The following IGSF21 variants were observed in gnomAD, a reference collection of about 807,000 sequenced individuals.
IGSF21 encodes immunoglobulin superfamily member 21.
In IGSF21, 28 loss-of-function variants were observed where a neutral mutation model predicts 46.8. The observed-to-expected ratio is 0.60, with a 90% CI of 0.44 to 0.82. IGSF21 has a LOEUF of 0.82. Among genes scored for constraint, IGSF21 ranks in the 40% least tolerant of loss-of-function variants. The pLI, the probability that IGSF21 is intolerant of heterozygous loss-of-function variation, is 0.00. For synonymous variants in IGSF21, 284 were observed against 273.6 expected (o/e 1.04, Z -0.38); for missense variants, 624 against 665.5 (o/e 0.94, Z 0.69).
chr1:18,108,227 G>A, intron 1 of IGSF21, 29 bp downstream of exon 1: 4 of 1,339,910 alleles, frequency 3.0e-6, no homozygotes, highest in Admixed American at 3.7e-5. Context: ...GGCGGGAGCC[G>A]AGCGGTGAAC....
At chr1:18,184,811 C>T (rs1435908172) in intron 1 of IGSF21, among the ~76,000 whole-genome samples, 1 of 152,194 alleles carries the variant, frequency 6.6e-6, no homozygotes, top group Non-Finnish European at 1.5e-5. Flanking sequence ...TGTCTTTGTA[C>T]TTGGCATGTC....
chr1:18,264,933 C>T (rs532584626), intron 2 of IGSF21, among the ~76,000 whole-genome samples: 1 of 152,184 alleles, frequency 6.6e-6, no homozygotes, highest in Non-Finnish European at 1.5e-5. Flanking sequence ...TCAGGGCCAC[C>T]ACACCGTGCC....
In IGSF21 at chr1:18,378,475, T is replaced by G. The variant is rs1258263033; in HGVS notation, c.*149T>G. 19 of 676,210 alleles carry G rather than the reference T, an allele frequency of 2.8e-5. No individual in the cohort carries two copies. Among genetic ancestry groups the G allele is most frequent in the Non-Finnish European group, 4.5e-5 (18 of 401,284 alleles). The allele number at this position is 676,210 out of a possible 1,614,324, so 41.9% of individuals were successfully genotyped here. ...GGTTTAATTAAAACAAACAGAACAA[T>G]TTTCCCCACCTCGGTTTGTGGCTCT... On this transcript the variant is annotated 3_prime_UTR_variant, in exon 10 of 10. Transcript: ENST00000251296.
In IGSF21 at chr1:18,290,870, C is replaced by T. The variant is rs1160124453; in HGVS notation, c.184-996C>T. On this transcript the variant is annotated intron_variant, in intron 2 of 9. Transcript: ENST00000251296. The surrounding 1 kb of genome is among the most constrained non-coding windows in gnomAD (Gnocchi z 4.2). ...CCCCGCTGCCTCCACCACACAGAGC[C>T]GCAGGGAGCTAATTCCACTTCTCTA... 6.6e-6 allele frequency among the ~76,000 whole-genome samples: 1 copy of T among 151,954 alleles called. No individual in the cohort carries two copies. The highest frequency in any genetic ancestry group is 1.5e-5 in the Non-Finnish European group (1 of 68,004).
intron 8 of IGSF21, 144 bp downstream of exon 8, chr1:18,377,136 G>A: frequency 1.1e-6 from 1 of 873,068 alleles, no homozygotes; most frequent in African/African-American, 1.7e-5. Flanking sequence ...TGCCCCACTG[G>A]GAGGCAGGGT....
At chr1:18,199,773 C>G (rs1317409412) in intron 1 of IGSF21, among the ~76,000 whole-genome samples, 2 of 152,148 alleles carry the variant, frequency 1.3e-5, no homozygotes, top group Non-Finnish European at 2.9e-5. Context: ...GCCTGGTAAT[C>G]TCAGCTGGGA....
chr1:18,339,761 C>T (rs2085809279), intron 4 of IGSF21, among the ~76,000 whole-genome samples: 1 of 152,194 alleles, frequency 6.6e-6, no homozygotes, highest in Admixed American at 6.5e-5. Context: ...AACCAAACAA[C>T]AACAACGAAT....
chr1:18,121,941 C>G (rs2086237427), intron 1 of IGSF21, among the ~76,000 whole-genome samples: 1 of 152,196 alleles, frequency 6.6e-6, no homozygotes, highest in Admixed American at 6.5e-5. Context: ...TCCTCCATCA[C>G]AGGCAGGTGC....
chr1:18,196,043 G>A (rs894950240), intron 1 of IGSF21, among the ~76,000 whole-genome samples: 11 of 152,326 alleles, frequency 7.2e-5, no homozygotes, highest in Middle Eastern at 3.4e-3. Flanking sequence ...TGTGCAGAGA[G>A]ACTTGGGAAG....
At chr1:18,361,074 C>T (rs1031195844) in intron 4 of IGSF21, among the ~76,000 whole-genome samples, 2 of 152,102 alleles carry the variant, frequency 1.3e-5, no homozygotes, top group African/African-American at 4.8e-5. Context: ...CAAAAATAAG[C>T]CAACTTCCAG....
chr1:18,226,370 G>A (rs568555386), intron 1 of IGSF21, among the ~76,000 whole-genome samples: 11 of 152,298 alleles, frequency 7.2e-5, no homozygotes, highest in South Asian at 4.1e-4. Context: ...CCCCAGGCCC[G>A]CACAGGGTAG....
Position 18,322,849 on chromosome 1 carries a change from C to T in IGSF21, c.306-12043C>T, listed in dbSNP as rs1049948877. Reference sequence around the variant, plus strand: ...TGGAAAAGAGGCCTGGAGAGGAAGCCGGTGGAGAAGAGCGGGAGATGTCGG... The same window carrying T: ...TGGAAAAGAGGCCTGGAGAGGAAGCTGGTGGAGAAGAGCGGGAGATGTCGG... On this transcript the variant is annotated intron_variant, in intron 3 of 9. Coordinates refer to ENST00000251296, the MANE Select transcript of IGSF21 (RefSeq NM_032880.5). The surrounding 1 kb of genome is among the most constrained non-coding windows in gnomAD (Gnocchi z 4.3). Among the ~76,000 whole-genome samples, 9 of 152,068 alleles carry T rather than the reference C, an allele frequency of 5.9e-5. No homozygotes were observed. The highest frequency in any genetic ancestry group is 1.7e-4 in the African/African-American group (7 of 41,402).
intron 1 of IGSF21, among the ~76,000 whole-genome samples, chr1:18,213,681 C>G (rs548377882): frequency 6.6e-6 from 1 of 152,186 alleles, no homozygotes; most frequent in Non-Finnish European, 1.5e-5. Context: ...AACACACACA[C>G]AGCACAGAGC....
intron 3 of IGSF21, among the ~76,000 whole-genome samples, chr1:18,294,985 C>T (rs2085298997): frequency 6.6e-6 from 1 of 152,226 alleles, no homozygotes; most frequent in Non-Finnish European, 1.5e-5. Context: ...GCTGTCTGAG[C>T]CGTTTCCTCT....
chr1:18,152,186 C>T (rs577363371), intron 1 of IGSF21, among the ~76,000 whole-genome samples: 6 of 152,336 alleles, frequency 3.9e-5, no homozygotes, highest in Non-Finnish European at 7.4e-5. Context: ...CTTTTGAGGA[C>T]CGACTGCACA....
intron 1 of IGSF21, among the ~76,000 whole-genome samples, chr1:18,193,465 G>A (rs1443907818): frequency 1.3e-5 from 2 of 152,174 alleles, no homozygotes; most frequent in South Asian, 2.1e-4. Flanking sequence ...TTGGCTGTCT[G>A]CAGGCTGAGG....
At chr1:18,254,417 C>G (rs1207325506) in intron 2 of IGSF21, among the ~76,000 whole-genome samples, 1 of 152,188 alleles carries the variant, frequency 6.6e-6, no homozygotes, top group African/African-American at 2.4e-5. Flanking sequence ...CACACATTCA[C>G]TGGATCTAGG....
Position 18,363,538 on chromosome 1 carries a change from C to T in IGSF21, c.540+1308C>T, listed in dbSNP as rs564008942. Reference sequence around the variant, plus strand: ...GCAGAGACACAGGTGGGACAGCGGGCAAGGGCACAGAGACATAGGTGAGGC... The same window carrying T: ...GCAGAGACACAGGTGGGACAGCGGGTAAGGGCACAGAGACATAGGTGAGGC... On this transcript the variant is annotated intron_variant, in intron 5 of 9. Transcript: ENST00000251296. 3.6e-4 allele frequency among the ~76,000 whole-genome samples: 55 copies of T among 151,410 alleles called. 1 individual carries two copies. The highest frequency in any genetic ancestry group is 1.3e-3 in the African/African-American group (55 of 41,210).
rs994088707 is a variant in IGSF21 at position 18,334,080 on chromosome 1, A to G, written c.306-812A>G. On this transcript the variant is annotated intron_variant, in intron 3 of 9. Coordinates refer to ENST00000251296, the MANE Select transcript of IGSF21 (RefSeq NM_032880.5). The surrounding 1 kb of genome is among the most constrained non-coding windows in gnomAD (Gnocchi z 4.3). ...TGTAAAGGGCAAGAAAGCCTAAAAT[A>G]TTTACTCTCTGGACTTTTAGGAGAA... 1.3e-5 allele frequency among the ~76,000 whole-genome samples: 2 copies of G among 152,180 alleles called. No individual in the cohort carries two copies. The highest frequency in any genetic ancestry group is 4.8e-5 in the African/African-American group (2 of 41,442).
Sources: allele counts gnomAD v4.1 joint callset (sites outside exome capture counted in the v4.1 genomes callset), GRCh38; gene constraint gnomAD v4.1.1; non-coding constraint Gnocchi (gnomAD v3.1); transcripts MANE v1.5; gene names NCBI Gene and HGNC (gene_info 2026-07-23, HGNC 2026-07-21).